SORL1: variants seen among roughly 807,000 people sequenced by gnomAD.
SORL1 encodes sortilin related receptor 1.
A neutral mutation model predicts 273.7 loss-of-function variants in SORL1; 127 were observed. The ratio of observed to expected loss-of-function variants is 0.46; its 90% CI spans 0.40 to 0.54. The LOEUF is 0.54. Among genes scored for constraint, SORL1 ranks in the 20% least tolerant of loss-of-function variants. The pLI, the probability that SORL1 is intolerant of heterozygous loss-of-function variation, is 0.00. For missense variants in SORL1, 2,494 were observed against 2,846.1 expected (o/e 0.88, Z 2.81); for synonymous variants, 1,031 against 1,067.4 (o/e 0.97, Z 0.66).
In SORL1 at chr11:121,631,021, A is replaced by G. The variant is rs145952593; in HGVS notation, c.*1458A>G. 311 of 153,768 alleles carry G rather than the reference A, an allele frequency of 2.0e-3. No homozygotes were observed. Among genetic ancestry groups the G allele is most frequent in the Middle Eastern group, 3.3e-3 (1 of 300 alleles). 9.5% of individuals were successfully genotyped at this position (153,768 alleles called of 1,614,324 possible). On this transcript the variant is annotated 3_prime_UTR_variant, in exon 48 of 48. Coordinates refer to ENST00000260197, the MANE Select transcript of SORL1 (RefSeq NM_003105.6). Reference sequence around the variant, plus strand: ...TGAGGTCTGGGAATATTCCAAAGTCATGTCTCTGAATATGTGTCCTTGACG... The same window carrying G: ...TGAGGTCTGGGAATATTCCAAAGTCGTGTCTCTGAATATGTGTCCTTGACG...
chr11:121,555,408 G>A, intron 18 of SORL1, 90 bp downstream of exon 18: 1 of 1,503,420 alleles, frequency 6.7e-7, no homozygotes, highest in South Asian at 1.2e-5. Context: ...AAGGGCCAGT[G>A]TGTCAGATTA....
intron 1 of SORL1, among the ~76,000 whole-genome samples, chr11:121,455,674 G>T (rs1253636095): frequency 6.6e-6 from 1 of 152,220 alleles, no homozygotes; most frequent in Non-Finnish European, 1.5e-5. Context: ...TGATTGTAGG[G>T]GTGAAAATAA....
intron 6 of SORL1, among the ~76,000 whole-genome samples, chr11:121,501,129 C>CA (rs1861702392): frequency 6.6e-6 from 1 of 152,140 alleles, no homozygotes; most frequent in African/African-American, 2.4e-5. Context: ...ATGCTTATAA[C>CA]TCTCATACGT....
intron 42 of SORL1, 33 bp from the exon 43 acceptor site, chr11:121,619,720 A>AT (rs747588291): frequency 5.9e-5 from 92 of 1,562,924 alleles, no homozygotes; most frequent in Middle Eastern, 1.7e-4. Flanking sequence ...GCCATGATGT[A>AT]TTTTTTTTCC....
At position 121,627,608 on chromosome 11, in the gene SORL1, G is replaced by A; in HGVS notation, c.6418G>A (p.Val2140Met). The A allele has an allele frequency of 6.2e-7, 1 of 1,614,200 alleles. No homozygotes were observed. Among genetic ancestry groups the A allele is most frequent in the South Asian group, 1.1e-5 (1 of 91,090 alleles). The change falls in exon 47 of 48, where the codon GTG becomes ATG. Residue 2140 changes from valine (V) to methionine (M), a missense_variant. Around this residue, in one of 3 missense-constraint regions of SORL1, gnomAD observed 1,609 missense variants for 1,816.4 expected, o/e 0.89. Transcript: ENST00000260197. The surrounding 1 kb of genome is among the most constrained non-coding windows in gnomAD (Gnocchi z 4.9). ...CAGATCTACGGATGTTGCTGCTGTG[G>A]TGGTGCCCATCTTATTCCTGATACT... is the stretch of plus-strand genomic sequence containing the variant. ...AARSTDVAAV[V>M]VPILFLILLS...
chr11:121,472,782 G>T (rs1861191177), intron 2 of SORL1, among the ~76,000 whole-genome samples: 1 of 152,136 alleles, frequency 6.6e-6, no homozygotes, highest in Non-Finnish European at 1.5e-5. Flanking sequence ...CCAACATGGA[G>T]AAACCCCATT....
In SORL1 at chr11:121,514,136, A is replaced by T. The variant is rs1282336032; in HGVS notation, c.1042-16A>T. 1.2e-6 allele frequency: 2 copies of T among 1,605,952 alleles called. No homozygotes were observed. Among genetic ancestry groups the T allele is most frequent in the Admixed American group, 1.7e-5 (1 of 58,058 alleles). The stretch of plus-strand genomic sequence containing the variant: ...TTTGTTTTTTGACGTATCTTTTTTG[A>T]CTTTTGATTCCAAAGGAATATTACA... On this transcript the variant is annotated splice_polypyrimidine_tract_variant and intron_variant, in intron 7 of 47. Coordinates refer to ENST00000260197, the MANE Select transcript of SORL1 (RefSeq NM_003105.6).
At chr11:121,514,102 C>T in intron 7 of SORL1, 50 bp from the exon 8 acceptor site, 1 of 1,577,464 alleles carries the variant, frequency 6.3e-7, no homozygotes, top group Non-Finnish European at 8.6e-7. Flanking sequence ...TAAAAGCCCA[C>T]AGGGCACATT....
At chr11:121,613,624 A>G (rs1026618718) in intron 40 of SORL1, among the ~76,000 whole-genome samples, 1 of 152,186 alleles carries the variant, frequency 6.6e-6, no homozygotes, top group African/African-American at 2.4e-5. Context: ...TACCATGTAC[A>G]GGCATTTACA....
intron 12 of SORL1, among the ~76,000 whole-genome samples, chr11:121,535,609 G>C (rs948917717): frequency 2.6e-5 from 4 of 151,768 alleles, no homozygotes; most frequent in African/African-American, 9.7e-5. Flanking sequence ...AGTAGCATTA[G>C]TAACTCAAAT....
chr11:121,525,308 C>G (rs897951234), intron 11 of SORL1, among the ~76,000 whole-genome samples: 1 of 152,172 alleles, frequency 6.6e-6, no homozygotes, highest in East Asian at 1.9e-4. Context: ...ATTGTTCATT[C>G]CTTTGCTAGT....
intron 41 of SORL1, 41 bp from the exon 42 acceptor site, chr11:121,618,733 C>T (rs1322803150): frequency 2.5e-6 from 4 of 1,612,616 alleles, no homozygotes; most frequent in Non-Finnish European, 3.4e-6. Context: ...AGATCATCGG[C>T]CCATGAGCTG....
At chr11:121,570,448 A>G (rs1021394980) in intron 23 of SORL1, among the ~76,000 whole-genome samples, 178 bp downstream of exon 23, 7 of 152,112 alleles carry the variant, frequency 4.6e-5, no homozygotes, top group Non-Finnish European at 8.8e-5. Context: ...TAGATATTAG[A>G]TATATAGGAT....
Position 121,485,487 on chromosome 11 carries a change from T to A in SORL1, c.529-2545T>A, listed in dbSNP as rs1039625112. Among the ~76,000 whole-genome samples, 34 of 152,068 alleles carry A rather than the reference T, an allele frequency of 2.2e-4. 1 individual carries two copies. Among genetic ancestry groups the A allele is most frequent in the African/African-American group, 7.7e-4 (32 of 41,396 alleles). Reference sequence around the variant, plus strand: ...TAACGGTAATATCCAAAGCATTGAGTCACTGTGAACCCTGAATGAGATAGG... The same window carrying A: ...TAACGGTAATATCCAAAGCATTGAGACACTGTGAACCCTGAATGAGATAGG... On this transcript the variant is annotated intron_variant, in intron 3 of 47. Transcript: ENST00000260197.
intron 1 of SORL1, among the ~76,000 whole-genome samples, chr11:121,461,546 A>G (rs2134769616): frequency 6.6e-6 from 1 of 152,290 alleles, no homozygotes; most frequent in East Asian, 1.9e-4. Context: ...CAGGGTGGTG[A>G]AGAAGCCACT....
chr11:121,512,162 A>G (rs11218313), intron 6 of SORL1, among the ~76,000 whole-genome samples: 16,391 of 152,272 alleles, frequency 0.11, 1,232 homozygotes, highest in African/African-American at 0.21. Context: ...AGCAAAATAA[A>G]TGAGTGTATA....
At chr11:121,606,341 A>T (rs1330032420) in intron 35 of SORL1, among the ~76,000 whole-genome samples, 1 of 152,180 alleles carries the variant, frequency 6.6e-6, no homozygotes, top group Non-Finnish European at 1.5e-5. Flanking sequence ...ATCTTTTTTC[A>T]TTGCCTAAAG....
intron 38 of SORL1, 75 bp downstream of exon 38, chr11:121,608,251 G>C: frequency 8.6e-7 from 1 of 1,162,178 alleles, no homozygotes; most frequent in African/African-American, 1.5e-5. Context: ...AGTATGACCG[G>C]AAAATGGAGA....
At chr11:121,465,062 A>G (rs1861062367) in intron 1 of SORL1, among the ~76,000 whole-genome samples, 1 of 152,248 alleles carries the variant, frequency 6.6e-6, no homozygotes, top group Admixed American at 6.5e-5. Flanking sequence ...TAAAGTGAAC[A>G]GTTCAGTGAA....
Sources: allele counts gnomAD v4.1 joint callset (sites outside exome capture counted in the v4.1 genomes callset), GRCh38; gene constraint gnomAD v4.1.1; regional missense constraint gnomAD v4.1.1; non-coding constraint Gnocchi (gnomAD v3.1); transcripts MANE v1.5; gene names NCBI Gene and HGNC (gene_info 2026-07-23, HGNC 2026-07-21).